The following NINJ2 variants were observed in gnomAD, a reference collection of about 807,000 sequenced individuals.
NINJ2 encodes the protein ninjurin 2.
Under a neutral mutation model 11.7 loss-of-function variants are expected in NINJ2, and 12 were observed. The observed-to-expected ratio is 1.02, with a 90% CI of 0.66 to 1.66. The LOEUF is 1.66. Ranked by LOEUF, NINJ2 falls within the 40% of genes most tolerant of loss-of-function variation. The pLI is 0.00. For missense variants in NINJ2, 187 were observed against 181.8 expected, an observed-to-expected ratio of 1.03 and a Z score of -0.16; for synonymous variants, 93 against 76.8, an observed-to-expected ratio of 1.21 and a Z score of -1.10.
intron 1 of NINJ2, among the ~76,000 whole-genome samples, chr12:609,497 C>T (rs1278564042): frequency 2.0e-5 from 3 of 152,052 alleles, no homozygotes; most frequent in Non-Finnish European, 4.4e-5. Flanking sequence ...ACACCGGGCG[C>T]GGTGGCTCAC....
At position 585,370 on chromosome 12, in the gene NINJ2, G is replaced by C. The variant is rs1331931454; in HGVS notation, c.34-19192C>G. 6.6e-6 allele frequency among the ~76,000 whole-genome samples: 1 copy of C among 152,240 alleles called. No individual in the cohort carries two copies. Among genetic ancestry groups the C allele is most frequent in the African/African-American group, 2.4e-5 (1 of 41,462 alleles). On this transcript the variant is annotated intron_variant, in intron 1 of 3. Transcript: ENST00000305108. This position sits in a 1 kb window ranked among gnomAD's most constrained non-coding sequence, Gnocchi z 4.1. ...GAATAAACGAGGCCAAAGGGAAAGA[G>C]TAGGTTCGCCGGGGACAATCCCACA...
chr12:586,302 G>T (rs988897242), intron 1 of NINJ2: 1 of 152,258 alleles, frequency 6.6e-6, no homozygotes, highest in East Asian at 1.9e-4. Context: ...AGGATCACAG[G>T]CCTTGGGAAA....
chr12:577,321 A>T (rs1947473728), intron 1 of NINJ2, among the ~76,000 whole-genome samples: 1 of 112,580 alleles, frequency 8.9e-6, no homozygotes, highest in Non-Finnish European at 2.2e-5. Context: ...CAGTAGGCTA[A>T]GTGTATTAAA....
At position 581,591 on chromosome 12, in the gene NINJ2, A is replaced by G. The variant is rs1475262108; in HGVS notation, c.34-15413T>C. On this transcript the variant is annotated intron_variant, in intron 1 of 3. Coordinates refer to ENST00000305108, the MANE Select transcript of NINJ2 (RefSeq NM_016533.6). The surrounding 1 kb of genome is among the most constrained non-coding windows in gnomAD (Gnocchi z 4.9). ...AATGGGGCCAGTCACACATTCTCCC[A>G]GCCCTGACACCTGAACCTGAGCAGC... Among the ~76,000 whole-genome samples, 2 of 152,130 alleles carry G rather than the reference A, an allele frequency of 1.3e-5. No individual in the cohort carries two copies. Among genetic ancestry groups the G allele is most frequent in the African/African-American group, 4.8e-5 (2 of 41,424 alleles).
intron 1 of NINJ2, among the ~76,000 whole-genome samples, chr12:641,256 A>C (rs6489688): frequency 0.96 from 145,899 of 152,026 alleles, 70,312 homozygotes; most frequent in East Asian, 1. Context: ...TGGAAGGGGG[A>C]ATGGGAAAGT....
Position 587,940 on chromosome 12 carries a change from G to A in NINJ2, c.34-21762C>T, listed in dbSNP as rs529314815. On this transcript the variant is annotated intron_variant, in intron 1 of 3. Coordinates refer to ENST00000305108, the MANE Select transcript of NINJ2 (RefSeq NM_016533.6). ...CTTCAGGGTAGGAGCCGTAGTATGA[G>A]GCTGGCACTTACTGATAACTAGTAG... Among the ~76,000 whole-genome samples the A allele has an allele frequency of 2.6e-5, 4 of 152,314 alleles. 1 individual carries two copies. The South Asian group carries it at 8.3e-4, about 32-fold the overall frequency.
At chr12:608,550 A>G (rs1947969271) in intron 1 of NINJ2, among the ~76,000 whole-genome samples, 1 of 152,356 alleles carries the variant, frequency 6.6e-6, no homozygotes, top group African/African-American at 2.4e-5. Flanking sequence ...AAATGGCAGA[A>G]CTGGGAGTCA....
intron 1 of NINJ2, among the ~76,000 whole-genome samples, chr12:648,826 C>G (rs1299774623): frequency 1.3e-5 from 2 of 152,198 alleles, no homozygotes; most frequent in Non-Finnish European, 2.9e-5. Flanking sequence ...ACAAATCTAT[C>G]TACTCATCCT....
At chr12:596,172 A>T (rs12317754) in intron 1 of NINJ2, among the ~76,000 whole-genome samples, 8,989 of 152,266 alleles carry the variant, frequency 0.059, 270 homozygotes, top group African/African-American at 0.07. Context: ...TCCCAAAAGA[A>T]CTCAAAACTT....
In NINJ2 at chr12:565,208, C is replaced by T. The variant is rs1184340239; in HGVS notation, c.*18+9G>A. ...TCCCTGGAGCTGGGGTTCCTCCATCCTCCCTCACCTGGGTCCCAGGCTGCA... is the reference window on the plus strand; with the variant it reads ...TCCCTGGAGCTGGGGTTCCTCCATCTTCCCTCACCTGGGTCCCAGGCTGCA... On this transcript the variant is annotated intron_variant, in intron 3 of 3. Coordinates refer to ENST00000305108, the MANE Select transcript of NINJ2 (RefSeq NM_016533.6). 3.8e-6 allele frequency: 6 copies of T among 1,597,070 alleles called. No individual in the cohort carries two copies. The African/African-American group carries it at 6.7e-5, about 18-fold the overall frequency.
intron 1 of NINJ2, among the ~76,000 whole-genome samples, chr12:653,083 C>T (rs554135918): frequency 2.5e-5 from 3 of 118,248 alleles, no homozygotes; most frequent in South Asian, 5.9e-4. Flanking sequence ...TGCAGTGGTG[C>T]GATCTTGGCT....
chr12:662,328 G>A (rs542953300), intron 1 of NINJ2, among the ~76,000 whole-genome samples: 169 of 152,226 alleles, frequency 1.1e-3, no homozygotes, highest in African/African-American at 3.6e-3. Flanking sequence ...ACAGTTCCCT[G>A]GTGGTGTCTC....
chr12:579,110 A>G (rs1279430322), intron 1 of NINJ2, among the ~76,000 whole-genome samples: 1 of 152,238 alleles, frequency 6.6e-6, no homozygotes, highest in Non-Finnish European at 1.5e-5. Flanking sequence ...TCCCCACTAG[A>G]TTATACATTT....
chr12:607,011 G>A (rs1360715352), intron 1 of NINJ2, among the ~76,000 whole-genome samples: 2 of 152,194 alleles, frequency 1.3e-5, no homozygotes, highest in Non-Finnish European at 2.9e-5. Flanking sequence ...CTGCAATCCT[G>A]TCCTTTGGCT....
At chr12:583,926 A>T (rs1159843461) in intron 1 of NINJ2, among the ~76,000 whole-genome samples, 1 of 152,192 alleles carries the variant, frequency 6.6e-6, no homozygotes, top group Non-Finnish European at 1.5e-5. Flanking sequence ...ATCTATATTT[A>T]TATACTTAGA....
chr12:573,023 ATTT>A (rs1301909243), intron 1 of NINJ2, among the ~76,000 whole-genome samples: 9 of 106,314 alleles, frequency 8.5e-5, no homozygotes, highest in African/African-American at 3.0e-4. Context: ...CACCCAGCTA[ATTT>A]TTTTTTTTTT....
At chr12:641,517 C>G (rs1230606103) in intron 1 of NINJ2, among the ~76,000 whole-genome samples, 1 of 152,162 alleles carries the variant, frequency 6.6e-6, no homozygotes, top group Non-Finnish European at 1.5e-5. Flanking sequence ...AATTCCAGAT[C>G]ACTAGCTCTG....
At chr12:637,123 G>A (rs1303874407) in intron 1 of NINJ2, among the ~76,000 whole-genome samples, 1 of 152,160 alleles carries the variant, frequency 6.6e-6, no homozygotes, top group Non-Finnish European at 1.5e-5. Flanking sequence ...GGCCCAGGCT[G>A]GCAGATCACA....
intron 1 of NINJ2, among the ~76,000 whole-genome samples, chr12:587,728 G>A (rs1187149270): frequency 2.0e-5 from 3 of 152,208 alleles, no homozygotes; most frequent in Non-Finnish European, 2.9e-5. Context: ...GCGCCTCACA[G>A]GCAGGTCACC....
Sources: allele counts gnomAD v4.1 joint callset (sites outside exome capture counted in the v4.1 genomes callset), GRCh38; gene constraint gnomAD v4.1.1; non-coding constraint Gnocchi (gnomAD v3.1); transcripts MANE v1.5; gene names NCBI Gene and HGNC (gene_info 2026-07-23, HGNC 2026-07-21).